IFT70B: variants seen among roughly 807,000 people sequenced by gnomAD.
The protein encoded by IFT70B is intraflagellar transport protein 70B.
At chr2:177,552,687 C>T in the IFT70B span, 2 of 1,598,544 alleles carry the variant, frequency 1.3e-6, no homozygotes, top group East Asian at 4.5e-5. Context: ...CTCGGCGTAG[C>T]GTGCATTGCG....
the IFT70B span, chr2:177,551,077 C>T: frequency 6.2e-7 from 1 of 1,614,116 alleles, no homozygotes; most frequent in Non-Finnish European, 8.5e-7. Flanking sequence ...CGAGAAATAC[C>T]AAAGTCATAA....
At chr2:177,550,672 C>T in the IFT70B span, 1 of 1,180,102 alleles carries the variant, frequency 8.5e-7, no homozygotes, top group Non-Finnish European at 1.2e-6. Context: ...GTACAAAGTT[C>T]AACATGTAAC....
chr2:177,551,368 G>A, the IFT70B span: 5 of 1,614,270 alleles, frequency 3.1e-6, no homozygotes, highest in East Asian at 6.7e-5. Flanking sequence ...AACAGAACAT[G>A]AGCCACATTC....
At chr2:177,552,062 A>C in the IFT70B span, 3 of 1,614,220 alleles carry the variant, frequency 1.9e-6, no homozygotes, top group Non-Finnish European at 2.5e-6. Context: ...TGCGAACATC[A>C]ATGCCCTCAG....
At chr2:177,551,018 G>T in the IFT70B span, 42 of 1,614,040 alleles carry the variant, frequency 2.6e-5, no homozygotes, top group Admixed American at 5.2e-4. Context: ...CATAATACCA[G>T]GTGTCTGTTC....
the IFT70B span, chr2:177,551,766 T>C: frequency 6.2e-7 from 1 of 1,614,208 alleles, no homozygotes; most frequent in Non-Finnish European, 8.5e-7. Flanking sequence ...AAAATACTCA[T>C]ATTTACAGTA....
chr2:177,549,023 A>T, the IFT70B span: 1 of 152,136 alleles, frequency 6.6e-6, no homozygotes, highest in Non-Finnish European at 1.5e-5. Flanking sequence ...AAAAAAAAAA[A>T]GAATTTTAAT....
the IFT70B span, chr2:177,551,530 C>A: frequency 6.2e-7 from 1 of 1,614,246 alleles, no homozygotes; most frequent in African/African-American, 1.3e-5. Flanking sequence ...TCATTCACTG[C>A]CTTTTTGATA....
chr2:177,552,071 A>G, the IFT70B span: 222 of 1,614,240 alleles, frequency 1.4e-4, no homozygotes, highest in Non-Finnish European at 1.8e-4. Flanking sequence ...CAATGCCCTC[A>G]GTGGTCATGC....
chr2:177,550,713 C>T, the IFT70B span: 18,762 of 1,428,554 alleles, frequency 0.013, 298 homozygotes, highest in South Asian at 0.055. Flanking sequence ...GTAAATAAAG[C>T]GATGCAAATT....
chr2:177,550,895 G>A, the IFT70B span: 2 of 1,614,044 alleles, frequency 1.2e-6, no homozygotes, highest in African/African-American at 2.7e-5. Flanking sequence ...GTATGTTTCT[G>A]CCATGAAGTT....
chr2:177,550,623 C>T, the IFT70B span: 1 of 698,186 alleles, frequency 1.4e-6, no homozygotes, highest in Admixed American at 3.8e-5. Flanking sequence ...AATTTAACAG[C>T]AAAAGTTTTA....
the IFT70B span, chr2:177,551,692 G>A: frequency 3.1e-6 from 5 of 1,614,124 alleles, no homozygotes; most frequent in Non-Finnish European, 4.2e-6. Context: ...AAGTCATAGA[G>A]ATAGGGTGTG....
At chr2:177,552,704 G>A in the IFT70B span, 7 of 1,598,998 alleles carry the variant, frequency 4.4e-6, no homozygotes, top group Non-Finnish European at 6.0e-6. Flanking sequence ...TGCGGATGAG[G>A]CGGTACACGA....
At chr2:177,552,061 C>A in the IFT70B span, 1 of 1,614,234 alleles carries the variant, frequency 6.2e-7, no homozygotes, top group South Asian at 1.1e-5. Context: ...CTGCGAACAT[C>A]AATGCCCTCA....
the IFT70B span, chr2:177,551,963 A>G: frequency 1.2e-6 from 2 of 1,614,166 alleles, no homozygotes; most frequent in South Asian, 1.1e-5. Flanking sequence ...GAGCTGCCTC[A>G]TAGTTTCTCA....
At chr2:177,552,345 G>A in the IFT70B span, 23 of 1,613,966 alleles carry the variant, frequency 1.4e-5, no homozygotes, top group East Asian at 4.5e-5. Flanking sequence ...TTCCCTACTC[G>A]GCAGCTGCTC....
At chr2:177,552,018 G>A in the IFT70B span, 1 of 1,614,234 alleles carries the variant, frequency 6.2e-7, no homozygotes, top group Admixed American at 1.7e-5. Flanking sequence ...TTCCACCAGA[G>A]CAGTCTGATG....
chr2:177,551,854 C>T, the IFT70B span: 2 of 1,614,156 alleles, frequency 1.2e-6, no homozygotes, highest in Admixed American at 1.7e-5. Flanking sequence ...TCAAACCCTT[C>T]TGTAGGCCTG....
Sources: gnomAD v4.1 joint callset for allele counts on GRCh38, gnomAD v4.1.1 for gene constraint, MANE v1.5 for transcripts, NCBI Gene and HGNC (gene_info 2026-07-23, HGNC 2026-07-21) for gene names.